The following ELAVL3 variants were observed in gnomAD, a reference collection of about 807,000 sequenced individuals.
ELAVL3 encodes ELAV-like protein 3.
In ELAVL3, 8 loss-of-function variants were observed where a neutral mutation model predicts 34.2. The observed-to-expected ratio is 0.23, with a 90% CI of 0.14 to 0.42. The LOEUF is 0.42. Among genes scored for constraint, ELAVL3 ranks in the 10% least tolerant of loss-of-function variants. The probability of loss-of-function intolerance (pLI) is 1.00; values close to 1 mark genes in which losing one functional copy is unlikely to be tolerated. For synonymous variants in ELAVL3, 209 were observed against 222.1 expected (o/e 0.94, Z 0.53); for missense variants, 273 against 518.8 (o/e 0.53, Z 4.60).
rs749088495 is a variant in ELAVL3, at chr19:11,454,802, C to G, written c.828G>C (p.Ser276=). 29 of 1,612,414 alleles carry G rather than the reference C, an allele frequency of 1.8e-5. No individual in the cohort carries two copies. In the Admixed American group the frequency reaches 3.2e-4, roughly 18 times the overall value. Residue 276 remains serine (S), a synonymous_variant, in exon 7 of 7, where the codon TCG becomes TCC. Transcript: ENST00000359227. This position sits in a 1 kb window ranked among gnomAD's most constrained non-coding sequence, Gnocchi z 9.2. ...ACCAGCCGGCGCCCGCCGCGCCCCC[C>G]GACAGGCCCACGCCCGCCAGGCCGC... ...GMSGLAGVGL[S]GGAAGAGWCI...
rs774800795 is a variant in ELAVL3, at chr19:11,458,012, A to C, written c.713+49T>G. 3.2e-6 allele frequency: 5 copies of C among 1,581,690 alleles called. No homozygotes were observed. In the South Asian group the frequency reaches 5.5e-5, roughly 17 times the overall value. On this transcript the variant is annotated intron_variant, in intron 5 of 6. Coordinates refer to ENST00000359227, the MANE Select transcript of ELAVL3 (RefSeq NM_001420.4). The surrounding 1 kb of genome is among the most constrained non-coding windows in gnomAD (Gnocchi z 7.3). Reference sequence around the variant, plus strand: ...AGGAATGGGGTTCAGGGAGGGTTGCAAGCTTGGGGGCACCCGGCCTGGGGC... The same window carrying C: ...AGGAATGGGGTTCAGGGAGGGTTGCCAGCTTGGGGGCACCCGGCCTGGGGC...
Position 11,454,337 on chromosome 19 carries a change from C to T in ELAVL3, c.*189G>A. Reference sequence around the variant, plus strand: ...GGGGCGGGGGATCCCCGGGCACCCCCCCAATTCCCTGCAGACCCTCCCACC... The same window carrying T: ...GGGGCGGGGGATCCCCGGGCACCCCTCCAATTCCCTGCAGACCCTCCCACC... On this transcript the variant is annotated 3_prime_UTR_variant, in exon 7 of 7. Coordinates refer to ENST00000359227, the MANE Select transcript of ELAVL3 (RefSeq NM_001420.4). The surrounding 1 kb of genome is among the most constrained non-coding windows in gnomAD (Gnocchi z 9.2). 1.6e-6 allele frequency: 1 copy of T among 611,146 alleles called. No homozygotes were observed. The highest frequency in any genetic ancestry group is 2.1e-5 in the South Asian group (1 of 46,670). The allele number at this position is 611,146 out of a possible 1,614,324, so 37.9% of individuals were successfully genotyped here.
At position 11,466,490 on chromosome 19, in the gene ELAVL3, A is replaced by C; in HGVS notation, c.229+118T>G. 1 of 1,243,108 alleles carries C rather than the reference A, an allele frequency of 8.0e-7. No individual in the cohort carries two copies. 77.0% of individuals were successfully genotyped at this position (1,243,108 alleles called of 1,614,324 possible). A position where few individuals can be genotyped will look rare whatever the true frequency, so the allele number is the denominator to read the frequency against. The stretch of plus-strand genomic sequence containing the variant: ...TCCCCATCAGACCTCACATCCCTAG[A>C]CCACCTCCTGCCTCGATTACCCCCG... On this transcript the variant is annotated intron_variant, in intron 2 of 6. Transcript: ENST00000359227. This position sits in a 1 kb window ranked among gnomAD's most constrained non-coding sequence, Gnocchi z 5.0.
Position 11,451,748 on chromosome 19 carries a change from T to C in ELAVL3, c.*2778A>G, listed in dbSNP as rs1334826083. On this transcript the variant is annotated 3_prime_UTR_variant, in exon 7 of 7. Coordinates refer to ENST00000359227, the MANE Select transcript of ELAVL3 (RefSeq NM_001420.4). Reference sequence around the variant, plus strand: ...CCTGGCTGGGCTGAGTTTTGTGTTTTAGAAAAAGAAGTCCCCTCCCAGTCT... The same window carrying C: ...CCTGGCTGGGCTGAGTTTTGTGTTTCAGAAAAAGAAGTCCCCTCCCAGTCT... 1 of 151,112 alleles carries C rather than the reference T, an allele frequency of 6.6e-6. No homozygotes were observed. Among genetic ancestry groups the C allele is most frequent in the African/African-American group, 2.4e-5 (1 of 41,036 alleles). The allele number at this position is 151,112 out of a possible 1,614,324, so 9.4% of individuals were successfully genotyped here.
chr19:11,458,284 C>T lies in ELAVL3; in HGVS notation c.490G>A (p.Val164Ile). ...CGGATGAATCCCACACCCCGAGAGA[C>T]ACCTGCCAGGGGGCAGGGATGTCCA... Reference protein sequence around the residue: ...SRILVDQVTGVSRGVGFIRFD... With the variant: ...SRILVDQVTGISRGVGFIRFD... The change falls in exon 5 of 7, where the codon GTC becomes ATC. Residue 164 changes from valine to isoleucine, a missense_variant and splice_region_variant. Val to Ile is a conservative substitution (Grantham distance 29). This residue lies in a region of ELAVL3 where 102 missense variants were observed against 250.1 expected (regional missense o/e 0.41). Transcript: ENST00000359227. The surrounding 1 kb of genome is among the most constrained non-coding windows in gnomAD (Gnocchi z 7.3). The T allele has an allele frequency of 3.1e-6, 5 of 1,613,628 alleles. No individual in the cohort carries two copies. The highest frequency in any genetic ancestry group is 1.3e-5 in the African/African-American group (1 of 75,070).
In ELAVL3 at chr19:11,454,655, C is replaced by T; in HGVS notation, c.975G>A (p.Lys325=). 1 of 1,614,242 alleles carries T rather than the reference C, an allele frequency of 6.2e-7. No homozygotes were observed. The highest frequency in any genetic ancestry group is 8.5e-7 in the Non-Finnish European group (1 of 1,180,028). ...VIRDFTTNKC[K]GFGFVTMTNY... The stretch of plus-strand genomic sequence containing the variant: ...TGGTCATGGTCACGAAGCCGAAACC[C>T]TTGCACTTGTTGGTGGTGAAATCAC... Residue 325 remains lysine, a synonymous_variant, in exon 7 of 7, where the codon AAG becomes AAA. Coordinates refer to ENST00000359227, the MANE Select transcript of ELAVL3 (RefSeq NM_001420.4). This position sits in a 1 kb window ranked among gnomAD's most constrained non-coding sequence, Gnocchi z 9.2.
intron 1 of ELAVL3, among the ~76,000 whole-genome samples, chr19:11,476,926 A>T (rs1351123560): frequency 6.7e-6 from 1 of 149,388 alleles, no homozygotes; most frequent in Admixed American, 6.7e-5. Flanking sequence ...AATAAAAAAT[A>T]AAAAAAAAAG....
intron 3 of ELAVL3, among the ~76,000 whole-genome samples, chr19:11,460,245 C>T (rs888961388): frequency 2.0e-5 from 3 of 152,098 alleles, no homozygotes; most frequent in Non-Finnish European, 4.4e-5. Flanking sequence ...TATCCAGAAT[C>T]CACACACTTC....
intron 1 of ELAVL3, among the ~76,000 whole-genome samples, chr19:11,468,023 C>T (rs1052317206): frequency 1.3e-5 from 2 of 152,210 alleles, no homozygotes; most frequent in Admixed American, 6.5e-5. Flanking sequence ...CTCTTGGGCT[C>T]TGGTGATCCT....
chr19:11,458,999 A>AT lies in ELAVL3; in HGVS notation c.334-389dup, dbSNP rs1970827563. On this transcript the variant is annotated intron_variant, in intron 3 of 6. Coordinates refer to ENST00000359227, the MANE Select transcript of ELAVL3 (RefSeq NM_001420.4). The surrounding 1 kb of genome is among the most constrained non-coding windows in gnomAD (Gnocchi z 7.3). Reference sequence around the variant, plus strand: ...ATCTCACTTTTTTACCCAGGCTGGAATGCAATGGTGTGATCTCAGCTCACT... The same window carrying AT: ...ATCTCACTTTTTTACCCAGGCTGGAATTGCAATGGTGTGATCTCAGCTCACT... Among the ~76,000 whole-genome samples, 1 of 151,574 alleles carries AT rather than the reference A, an allele frequency of 6.6e-6. No homozygotes were observed. Among genetic ancestry groups the AT allele is most frequent in the Non-Finnish European group, 1.5e-5 (1 of 67,898 alleles).
intron 1 of ELAVL3, among the ~76,000 whole-genome samples, chr19:11,467,280 G>T (rs1971073900): frequency 6.6e-6 from 1 of 151,760 alleles, no homozygotes; most frequent in African/African-American, 2.4e-5. Flanking sequence ...AAATTAGCCG[G>T]GCGTGGTGGC....
intron 3 of ELAVL3, among the ~76,000 whole-genome samples, chr19:11,463,432 C>T (rs1375645782): frequency 6.6e-6 from 1 of 152,200 alleles, no homozygotes; most frequent in African/African-American, 2.4e-5. Flanking sequence ...GCCACTGTCA[C>T]ATTCTCAGCA....
intron 1 of ELAVL3, among the ~76,000 whole-genome samples, chr19:11,476,977 A>G (rs1160611032): frequency 6.6e-6 from 1 of 152,156 alleles, no homozygotes; most frequent in Non-Finnish European, 1.5e-5. Flanking sequence ...CCACTCCCCT[A>G]ACGAAAAGAC....
Position 11,453,202 on chromosome 19 carries a change from G to GGT in ELAVL3, c.*1323_*1324insAC, listed in dbSNP as rs1970693341. The GGT allele has an allele frequency of 6.6e-6, 1 of 152,166 alleles. No individual in the cohort carries two copies. The highest frequency in any genetic ancestry group is 2.1e-4 in the South Asian group (1 of 4,812). 9.4% of individuals were successfully genotyped at this position (152,166 alleles called of 1,614,324 possible). On this transcript the variant is annotated 3_prime_UTR_variant, in exon 7 of 7. Transcript: ENST00000359227. ...TGGCCTCAAGTGTTGTGGGGGGGGG[G>GGT]GCTGCCTCCAGCCCACCGTGACGCC...
chr19:11,480,565 T>G lies in ELAVL3; in HGVS notation c.9+35A>C. The G allele has an allele frequency of 2.0e-6, 3 of 1,491,866 alleles. No homozygotes were observed. Among genetic ancestry groups the G allele is most frequent in the Non-Finnish European group, 2.7e-6 (3 of 1,119,258 alleles). The allele number at this position is 1,491,866 out of a possible 1,614,324, so 92.4% of individuals were successfully genotyped here. A position where few individuals can be genotyped will look rare whatever the true frequency, so the allele number is the denominator to read the frequency against. ...GGAGCCTGGGCCCAACTCCTCCCCG[T>G]CCCGATTCCCTTTCGGCGACAGGGG... is the stretch of plus-strand genomic sequence containing the variant. On this transcript the variant is annotated intron_variant, in intron 1 of 6. Transcript: ENST00000359227. This position sits in a 1 kb window ranked among gnomAD's most constrained non-coding sequence, Gnocchi z 6.8.
At position 11,458,473 on chromosome 19, in the gene ELAVL3, C is replaced by T; in HGVS notation, c.472G>A (p.Val158Met). ...YGRIITSRIL[V>M]DQVTGVSRGV... ...ACTGCCTGACCTGTGACCTGGTCCA[C>T]CAGGATGCGGGACGTGATGATGCGG... The change falls in exon 4 of 7, where the codon GTG (valine) becomes ATG (methionine). Residue 158 changes from valine to methionine, a missense_variant. Transcript: ENST00000359227. This position sits in a 1 kb window ranked among gnomAD's most constrained non-coding sequence, Gnocchi z 7.3. The T allele has an allele frequency of 3.1e-6, 5 of 1,614,130 alleles. No individual in the cohort carries two copies. The highest frequency in any genetic ancestry group is 4.2e-6 in the Non-Finnish European group (5 of 1,180,036).
In ELAVL3 at chr19:11,452,509, T is replaced by TG; in HGVS notation, c.*2016_*2017insC. The TG allele has an allele frequency of 6.6e-6, 1 of 151,692 alleles. No homozygotes were observed. The highest frequency in any genetic ancestry group is 2.4e-5 in the African/African-American group (1 of 41,280). 9.4% of individuals were successfully genotyped at this position (151,692 alleles called of 1,614,324 possible). A position where few individuals can be genotyped will look rare whatever the true frequency, so the allele number is the denominator to read the frequency against. ...TTTCCTTTTTTTTTTTTAAATCTCT[T>TG]CTGTGTGTTTTCTTTTTTTGTTGCT... On this transcript the variant is annotated 3_prime_UTR_variant, in exon 7 of 7. Coordinates refer to ENST00000359227, the MANE Select transcript of ELAVL3 (RefSeq NM_001420.4).
intron 1 of ELAVL3, among the ~76,000 whole-genome samples, chr19:11,470,495 G>A (rs1054196283): frequency 2.0e-5 from 3 of 148,684 alleles, no homozygotes; most frequent in East Asian, 2.0e-4. Context: ...GAGAAACCCC[G>A]TTTGCTACTA....
At chr19:11,479,512 G>C (rs979536535) in intron 1 of ELAVL3, among the ~76,000 whole-genome samples, 3 of 152,048 alleles carry the variant, frequency 2.0e-5, no homozygotes, top group African/African-American at 7.2e-5. Flanking sequence ...GCGCGGCGGC[G>C]CGGGGAGCGG....
Sources: gnomAD v4.1 joint callset for allele counts (sites outside exome capture counted in the v4.1 genomes callset) on GRCh38, gnomAD v4.1.1 for gene constraint, gnomAD v4.1.1 regional missense constraint, Gnocchi (gnomAD v3.1) non-coding constraint, MANE v1.5 for transcripts, NCBI Gene and HGNC (gene_info 2026-07-23, HGNC 2026-07-21) for gene names.